Variants in NRXN3 observed in about 807,000 individuals in gnomAD.
NRXN3 encodes the protein neurexin 3, also known as neurexin III.
NRXN3 carries 32 observed loss-of-function variants against 137.6 expected under a neutral mutation model. The ratio of observed to expected loss-of-function variants is 0.23; its 90% CI spans 0.18 to 0.31. The LOEUF (loss-of-function observed/expected upper bound fraction) is 0.31, where lower values mean the gene tolerates loss of function less well. NRXN3 is among the 10% of genes least tolerant of loss of function. NRXN3 has a pLI of 1.00. For synonymous variants in NRXN3, 798 were observed against 784.5 expected (o/e 1.02, Z -0.29); for missense variants, 1,574 against 2,062.5 (o/e 0.76, Z 4.59).
intron 4 of NRXN3, among the ~76,000 whole-genome samples, chr14:78,466,441 G>A (rs1380662710): frequency 6.6e-6 from 1 of 152,206 alleles, no homozygotes; most frequent in Non-Finnish European, 1.5e-5. Flanking sequence ...TATGGACAGA[G>A]GAGAACATTC....
intron 15 of NRXN3, among the ~76,000 whole-genome samples, chr14:79,089,805 G>A (rs377126017): frequency 1.1e-4 from 16 of 152,164 alleles, no homozygotes; most frequent in Admixed American, 2.0e-4. Flanking sequence ...CAGTGGACTT[G>A]AAAGAAACAC....
chr14:79,063,245 G>A (rs764779292), intron 15 of NRXN3, among the ~76,000 whole-genome samples: 1 of 152,100 alleles, frequency 6.6e-6, no homozygotes, highest in African/African-American at 2.4e-5. Context: ...GGTGAGGTTA[G>A]GCAAGCAAGG....
At chr14:79,524,343 T>C (rs925000953) in intron 16 of NRXN3, among the ~76,000 whole-genome samples, 2 of 152,210 alleles carry the variant, frequency 1.3e-5, no homozygotes, top group East Asian at 3.9e-4. Flanking sequence ...CTGTTTTTAC[T>C]AATAACCAGA....
At chr14:79,055,901 CATG>C (rs1452530051) in intron 15 of NRXN3, among the ~76,000 whole-genome samples, 1 of 152,102 alleles carries the variant, frequency 6.6e-6, no homozygotes, top group African/African-American at 2.4e-5. Context: ...AGTAATAAGA[CATG>C]AGGCTGGAGA....
intron 16 of NRXN3, among the ~76,000 whole-genome samples, chr14:79,656,407 T>C (rs972412287): frequency 3.3e-5 from 5 of 152,064 alleles, no homozygotes; most frequent in Admixed American, 6.6e-5. Context: ...CAGCATGACA[T>C]TGGGGTCTGT....
chr14:79,575,722 G>A (rs1465415550), intron 16 of NRXN3, among the ~76,000 whole-genome samples: 1 of 152,020 alleles, frequency 6.6e-6, no homozygotes, highest in Non-Finnish European at 1.5e-5. Context: ...TGAAATGATT[G>A]CTTCCATGTT....
chr14:79,544,591 C>T (rs2097302098), intron 16 of NRXN3, among the ~76,000 whole-genome samples: 1 of 152,124 alleles, frequency 6.6e-6, no homozygotes, highest in African/African-American at 2.4e-5. Flanking sequence ...ATTCTGGAAT[C>T]TATGACATTT....
rs1036693261 is a variant in NRXN3, at chr14:79,514,941, A to G, written c.3444+47539A>G. ...GCAGTAAGTTAAGTGTTAGTCACAT[A>G]TTTGCAGGGTTAAATCTTAGTTCCA... On this transcript the variant is annotated intron_variant, in intron 16 of 20. Transcript: ENST00000335750. Among the ~76,000 whole-genome samples, 5 of 143,398 alleles carry G rather than the reference A, an allele frequency of 3.5e-5. 1 individual carries two copies. Among genetic ancestry groups the G allele is most frequent in the African/African-American group, 1.5e-4 (5 of 33,380 alleles). 94.1% of individuals were successfully genotyped at this position (143,398 alleles called of 152,430 possible).
intron 10 of NRXN3, among the ~76,000 whole-genome samples, chr14:78,949,253 C>T (rs148608786): frequency 6.6e-5 from 10 of 152,124 alleles, no homozygotes; most frequent in African/African-American, 2.2e-4. Flanking sequence ...TCCCCCTCTA[C>T]CCTCCATAAA....
At chr14:78,497,277 A>G (rs1204122408) in intron 4 of NRXN3, among the ~76,000 whole-genome samples, 1 of 152,168 alleles carries the variant, frequency 6.6e-6, no homozygotes, top group African/African-American at 2.4e-5. Context: ...TTTCAAGCCA[A>G]TATAGCCACA....
chr14:78,489,745 A>G (rs987487944), intron 4 of NRXN3, among the ~76,000 whole-genome samples: 2 of 152,052 alleles, frequency 1.3e-5, no homozygotes, highest in African/African-American at 4.8e-5. Flanking sequence ...AGGGAAGCAG[A>G]TGTCAGGATT....
At chr14:78,577,295 G>T (rs937083898) in intron 4 of NRXN3, among the ~76,000 whole-genome samples, 1 of 152,092 alleles carries the variant, frequency 6.6e-6, no homozygotes, top group African/African-American at 2.4e-5. Context: ...GAATTTTTAG[G>T]GTCAGAAAAG....
At chr14:79,186,254 A>G (rs2063532823) in intron 15 of NRXN3, among the ~76,000 whole-genome samples, 1 of 152,130 alleles carries the variant, frequency 6.6e-6, no homozygotes, top group African/African-American at 2.4e-5. Flanking sequence ...GTTACCTGAA[A>G]AAAAAAGGTG....
chr14:79,008,410 C>T (rs1043174566), intron 15 of NRXN3, among the ~76,000 whole-genome samples: 2 of 152,102 alleles, frequency 1.3e-5, no homozygotes, highest in Admixed American at 6.6e-5. Context: ...TTATTGAACA[C>T]AGACAAGTAC....
intron 15 of NRXN3, among the ~76,000 whole-genome samples, chr14:79,119,333 C>T (rs2055021814): frequency 6.6e-6 from 1 of 152,182 alleles, no homozygotes; most frequent in Non-Finnish European, 1.5e-5. Flanking sequence ...ATCTAAGCTG[C>T]TGATCAGGCT....
intron 2 of NRXN3, among the ~76,000 whole-genome samples, chr14:78,263,837 T>C (rs1489062928): frequency 6.6e-6 from 1 of 151,716 alleles, no homozygotes; most frequent in East Asian, 1.9e-4. Flanking sequence ...ATAACAAATT[T>C]CACCATGCGC....
intron 4 of NRXN3, among the ~76,000 whole-genome samples, chr14:78,387,358 A>G (rs1031580456): frequency 6.6e-6 from 1 of 152,158 alleles, no homozygotes; most frequent in African/African-American, 2.4e-5. Context: ...GATGGTCTTG[A>G]ATATCAAAGA....
chr14:79,366,469 A>G (rs2093897251), intron 15 of NRXN3, among the ~76,000 whole-genome samples: 1 of 151,846 alleles, frequency 6.6e-6, no homozygotes, highest in South Asian at 2.1e-4. Context: ...TCTCCCCAAT[A>G]CCCTTCCCAG....
chr14:78,335,438 A>G (rs1293077707), intron 4 of NRXN3, among the ~76,000 whole-genome samples: 2 of 152,232 alleles, frequency 1.3e-5, no homozygotes, highest in African/African-American at 4.8e-5. Flanking sequence ...ACTCTGCCCA[A>G]GCTGAGCCAG....
Sources: gnomAD v4.1 joint callset for allele counts (sites outside exome capture counted in the v4.1 genomes callset) on GRCh38, gnomAD v4.1.1 for gene constraint, MANE v1.5 for transcripts, NCBI Gene and HGNC (gene_info 2026-07-23, HGNC 2026-07-21) for gene names.